The following FBXL7 variants were observed in gnomAD, a reference collection of about 807,000 sequenced individuals.
FBXL7 encodes the protein F-box and leucine rich repeat protein 7.
In FBXL7, 12 loss-of-function variants were observed where a neutral mutation model predicts 38.3. That is an observed-to-expected ratio of 0.31 (90% CI 0.20 to 0.51). FBXL7 has a LOEUF of 0.51. Ranked by LOEUF, FBXL7 falls within the 20% of genes least tolerant of loss-of-function variation. The pLI is 0.98. For synonymous variants in FBXL7, 297 were observed against 300.9 expected (o/e 0.99, Z 0.13); for missense variants, 567 against 676.4 (o/e 0.84, Z 1.79).
intron 2 of FBXL7, among the ~76,000 whole-genome samples, chr5:15,846,604 A>G (rs1425096987): frequency 6.6e-6 from 1 of 152,226 alleles, no homozygotes; most frequent in Non-Finnish European, 1.5e-5. Context: ...TATTTGGTCC[A>G]TCTTGTTGCA....
rs114293746 is a variant in FBXL7, at chr5:15,659,015, G to A, written c.127+42943G>A. ...ATGTGAAGGAAATGTTTGCTTCCCCGTCCATCCTGACTTTTAAGTTTCCTG... is the reference window on the plus strand; with the variant it reads ...ATGTGAAGGAAATGTTTGCTTCCCCATCCATCCTGACTTTTAAGTTTCCTG... On this transcript the variant is annotated intron_variant, in intron 2 of 3. Transcript: ENST00000504595. 2.9e-3 allele frequency among the ~76,000 whole-genome samples: 443 copies of A among 152,196 alleles called. 2 individuals carry two copies. Among genetic ancestry groups the A allele is most frequent in the African/African-American group, 0.01 (420 of 41,522 alleles).
At chr5:15,613,472 G>C (rs1740324367) in intron 1 of FBXL7, among the ~76,000 whole-genome samples, 1 of 152,142 alleles carries the variant, frequency 6.6e-6, no homozygotes. Flanking sequence ...CATTGTTTTG[G>C]TTAACTCTGA....
At chr5:15,811,597 G>T (rs72734154) in intron 2 of FBXL7, among the ~76,000 whole-genome samples, 1 of 151,906 alleles carries the variant, frequency 6.6e-6, no homozygotes, top group East Asian at 1.9e-4. Context: ...TGGGGAAGGG[G>T]TACAATTCAG....
At chr5:15,662,447 G>A (rs544319218) in intron 2 of FBXL7, among the ~76,000 whole-genome samples, 2 of 152,152 alleles carry the variant, frequency 1.3e-5, no homozygotes, top group Non-Finnish European at 1.5e-5. Flanking sequence ...CTCCCATTCT[G>A]TAGGTTGTCT....
chr5:15,619,455 G>C (rs1211781512), intron 2 of FBXL7, among the ~76,000 whole-genome samples: 1 of 152,190 alleles, frequency 6.6e-6, no homozygotes, highest in African/African-American at 2.4e-5. Context: ...AGACTGCAGA[G>C]GAGCCAAGCT....
At chr5:15,556,904 GAACC>G (rs1318848355) in intron 1 of FBXL7, among the ~76,000 whole-genome samples, 5 of 152,192 alleles carry the variant, frequency 3.3e-5, no homozygotes, top group African/African-American at 1.2e-4. Flanking sequence ...TTTAAAGCCA[GAACC>G]AATCATCAAG....
At chr5:15,670,012 A>G (rs1245488378) in intron 2 of FBXL7, among the ~76,000 whole-genome samples, 1 of 152,178 alleles carries the variant, frequency 6.6e-6, no homozygotes, top group Non-Finnish European at 1.5e-5. Context: ...CTCTGCCACA[A>G]AGACCACAGA....
At chr5:15,839,480 A>G (rs1174045248) in intron 2 of FBXL7, among the ~76,000 whole-genome samples, 1 of 151,924 alleles carries the variant, frequency 6.6e-6, no homozygotes, top group Non-Finnish European at 1.5e-5. Context: ...TAAATATTGC[A>G]TATATCTTTT....
intron 1 of FBXL7, among the ~76,000 whole-genome samples, chr5:15,501,026 G>A (rs1420696186): frequency 6.6e-6 from 1 of 152,204 alleles, no homozygotes; most frequent in African/African-American, 2.4e-5. Flanking sequence ...TGGGGTTTAG[G>A]AGATGATGGT....
chr5:15,840,509 A>T (rs908529640), intron 2 of FBXL7, among the ~76,000 whole-genome samples: 2 of 152,172 alleles, frequency 1.3e-5, no homozygotes, highest in Non-Finnish European at 2.9e-5. Flanking sequence ...GATTAACACC[A>T]TTATGATATT....
chr5:15,602,919 G>A (rs569587294), intron 1 of FBXL7, among the ~76,000 whole-genome samples: 41 of 152,204 alleles, frequency 2.7e-4, no homozygotes, highest in African/African-American at 9.6e-4. Flanking sequence ...CTGCAGCCTC[G>A]AACACTGGGG....
chr5:15,617,035 C>T (rs1740474983), intron 2 of FBXL7, among the ~76,000 whole-genome samples: 1 of 152,138 alleles, frequency 6.6e-6, no homozygotes, highest in African/African-American at 2.4e-5. Flanking sequence ...CATGGGCTGA[C>T]ATTGGCCATC....
At chr5:15,741,722 C>T (rs975646327) in intron 2 of FBXL7, among the ~76,000 whole-genome samples, 10 of 152,186 alleles carry the variant, frequency 6.6e-5, no homozygotes, top group East Asian at 3.9e-4. Context: ...CCAGTTAACC[C>T]GTTTTATAAG....
intron 2 of FBXL7, among the ~76,000 whole-genome samples, chr5:15,846,853 A>G (rs982819409): frequency 8.5e-5 from 13 of 152,218 alleles, no homozygotes; most frequent in African/African-American, 3.1e-4. Flanking sequence ...CAAATGATGT[A>G]AAAAGTTAAT....
chr5:15,892,674 AGACAGTTCCTCAGCTCAAGC>A (rs1246189143), intron 2 of FBXL7, among the ~76,000 whole-genome samples: 1 of 152,232 alleles, frequency 6.6e-6, no homozygotes, highest in Non-Finnish European at 1.5e-5. Flanking sequence ...GCAGGAATTC[AGACAGTTCCTCAGCTCAAGC>A]GAAGGAGAAA....
At chr5:15,676,600 A>G (rs1341065377) in intron 2 of FBXL7, among the ~76,000 whole-genome samples, 10 of 152,182 alleles carry the variant, frequency 6.6e-5, no homozygotes. Context: ...AAGGATTCCC[A>G]CCCAGTTAAA....
chr5:15,707,174 G>GTTTTTTTTTTTTTTTTTTTTTTT (rs71603796), intron 2 of FBXL7, among the ~76,000 whole-genome samples: 5 of 70,390 alleles, frequency 7.1e-5, no homozygotes, highest in East Asian at 4.9e-4. Context: ...TTTTCTTTTC[G>GTTTTTTTTTTTTTTTTTTTTTTT]TTTTTTTTTT....
intron 2 of FBXL7, among the ~76,000 whole-genome samples, chr5:15,625,193 A>G (rs1169903996): frequency 2.0e-5 from 3 of 152,214 alleles, no homozygotes; most frequent in Admixed American, 6.5e-5. Context: ...CTGCCTTTAT[A>G]CTTGAATTGT....
intron 1 of FBXL7, among the ~76,000 whole-genome samples, chr5:15,612,758 G>C (rs1740292823): frequency 6.6e-6 from 1 of 152,180 alleles, no homozygotes; most frequent in Non-Finnish European, 1.5e-5. Flanking sequence ...TCTCTTTGTA[G>C]GAGGGAAGGG....
Sources: allele counts gnomAD v4.1 joint callset (sites outside exome capture counted in the v4.1 genomes callset), GRCh38; gene constraint gnomAD v4.1.1; transcripts MANE v1.5; gene names NCBI Gene and HGNC (gene_info 2026-07-23, HGNC 2026-07-21).